Variants in RYR3 observed in about 807,000 individuals in gnomAD.
RYR3 encodes ryanodine receptor 3.
RYR3 carries 207 observed loss-of-function variants against 584.3 expected under a neutral mutation model. That is an observed-to-expected ratio of 0.35 (90% confidence interval 0.32 to 0.40). The LOEUF is 0.40. Among genes scored for constraint, RYR3 ranks in the 10% least tolerant of loss-of-function variants. The probability of loss-of-function intolerance (pLI) is 1.00; values close to 1 mark genes in which losing one functional copy is unlikely to be tolerated. For missense variants in RYR3, 5,616 were observed against 6,089.2 expected (o/e 0.92, Z 2.59); for synonymous variants, 2,416 against 2,248.5 (o/e 1.07, Z -2.11).
chr15:33,500,603 G>A (rs1056652948), intron 2 of RYR3, among the ~76,000 whole-genome samples: 18 of 152,124 alleles, frequency 1.2e-4, no homozygotes, highest in Admixed American at 1.0e-3. Flanking sequence ...AGAGTGATGA[G>A]GAGCTATTTC....
At position 33,412,914 on chromosome 15, in the gene RYR3, A is replaced by T. The variant is rs1388143525; in HGVS notation, c.52-60505A>T. On this transcript the variant is annotated intron_variant, in intron 1 of 103. Coordinates refer to ENST00000634891, the MANE Select transcript of RYR3 (RefSeq NM_001036.6). This position sits in a 1 kb window ranked among gnomAD's most constrained non-coding sequence, Gnocchi z 4.3. Reference sequence around the variant, plus strand: ...GGTTGAGTGTTGACGATGAGAAAAAAATTCTGTTCAAGAAACTAGCCTATG... The same window carrying T: ...GGTTGAGTGTTGACGATGAGAAAAATATTCTGTTCAAGAAACTAGCCTATG... Among the ~76,000 whole-genome samples the T allele has an allele frequency of 6.6e-6, 1 of 150,884 alleles. No individual in the cohort carries two copies. Among genetic ancestry groups the T allele is most frequent in the African/African-American group, 2.5e-5 (1 of 40,176 alleles).
At chr15:33,759,020 C>A (rs867582962) in intron 60 of RYR3, among the ~76,000 whole-genome samples, 1 of 152,190 alleles carries the variant, frequency 6.6e-6, no homozygotes, top group Non-Finnish European at 1.5e-5. Context: ...GAGTGGACCT[C>A]CAGCAAACTC....
chr15:33,698,716 G>C (rs932500307), intron 40 of RYR3, among the ~76,000 whole-genome samples: 1 of 152,126 alleles, frequency 6.6e-6, no homozygotes, highest in East Asian at 1.9e-4. Flanking sequence ...CCAGGGTCAC[G>C]TTCCTCATGG....
chr15:33,736,380 G>A, intron 49 of RYR3, 55 bp downstream of exon 49: 1 of 1,220,508 alleles, frequency 8.2e-7, no homozygotes, highest in South Asian at 1.3e-5. Flanking sequence ...AACTTGCCTT[G>A]TAATATGTGA....
intron 1 of RYR3, among the ~76,000 whole-genome samples, chr15:33,447,407 G>T (rs932193093): frequency 3.9e-5 from 6 of 152,160 alleles, no homozygotes; most frequent in South Asian, 2.1e-4. Flanking sequence ...TAGGTCAGGA[G>T]CATTCTGTTT....
chr15:33,424,005 C>G (rs549197359), intron 1 of RYR3, among the ~76,000 whole-genome samples: 1 of 152,316 alleles, frequency 6.6e-6, no homozygotes, highest in Non-Finnish European at 1.5e-5. Flanking sequence ...TCTTGGTGAA[C>G]TCTCCTTGCC....
chr15:33,701,879 G>A (rs1473143445), intron 42 of RYR3, among the ~76,000 whole-genome samples: 1 of 152,158 alleles, frequency 6.6e-6, no homozygotes, highest in Non-Finnish European at 1.5e-5. Context: ...GGCGTGCTGG[G>A]GAATAGGAGA....
chr15:33,527,307 A>G (rs1237911007), intron 3 of RYR3, among the ~76,000 whole-genome samples: 1 of 152,188 alleles, frequency 6.6e-6, no homozygotes. Flanking sequence ...AAGGCCGGGC[A>G]TGGTAGCTCA....
intron 1 of RYR3, among the ~76,000 whole-genome samples, chr15:33,320,386 C>T (rs61022048): frequency 0.013 from 1,996 of 152,282 alleles, 42 homozygotes; most frequent in African/African-American, 0.046. Context: ...ATCATGAAAT[C>T]TAAAGAAAGC....
intron 3 of RYR3, among the ~76,000 whole-genome samples, chr15:33,507,477 T>A (rs2052579436): frequency 6.6e-6 from 1 of 152,182 alleles, no homozygotes. Context: ...TGGGGAAAAT[T>A]ACCGAGGGAT....
intron 27 of RYR3, among the ~76,000 whole-genome samples, chr15:33,640,278 A>G (rs1001747366): frequency 1.3e-5 from 2 of 152,212 alleles, no homozygotes; most frequent in Non-Finnish European, 2.9e-5. Context: ...TGTGTTTCAG[A>G]AAGCGGCTGT....
intron 1 of RYR3, among the ~76,000 whole-genome samples, chr15:33,433,507 A>C (rs1371061479): frequency 1.3e-5 from 2 of 151,828 alleles, no homozygotes; most frequent in Admixed American, 6.5e-5. Context: ...CAAAGAAATT[A>C]AAGGACAATT....
chr15:33,773,481 C>G (rs1426809376), intron 63 of RYR3, 53 bp from the exon 64 acceptor site: 13 of 1,293,040 alleles, frequency 1.0e-5, no homozygotes, highest in Non-Finnish European at 1.4e-5. Flanking sequence ...CTTCATGGAT[C>G]CTTTCTGTAT....
In RYR3 at chr15:33,630,775, C is replaced by G. The variant is rs1495278; in HGVS notation, c.2784-435C>G. ...AGAATTCTATCTGTTCCATGGAATT[C>G]GAAGAGGCATATAATTGTAATGCAA... On this transcript the variant is annotated intron_variant, in intron 22 of 103. Coordinates refer to ENST00000634891, the MANE Select transcript of RYR3 (RefSeq NM_001036.6). Among the ~76,000 whole-genome samples the G allele has an allele frequency of 5.9e-5, 9 of 152,304 alleles. No individual in the cohort carries two copies. In the East Asian group the frequency reaches 1.5e-3, roughly 26 times the overall value.
intron 1 of RYR3, among the ~76,000 whole-genome samples, chr15:33,423,058 G>C (rs2044350830): frequency 6.6e-6 from 1 of 152,026 alleles, no homozygotes; most frequent in Non-Finnish European, 1.5e-5. Flanking sequence ...AAATTCAGTG[G>C]TAATAAGTAC....
At chr15:33,378,272 C>T (rs1375621930) in intron 1 of RYR3, among the ~76,000 whole-genome samples, 1 of 152,188 alleles carries the variant, frequency 6.6e-6, no homozygotes, top group Non-Finnish European at 1.5e-5. Context: ...TTCCACAGAT[C>T]TTGGGGACTC....
intron 62 of RYR3, among the ~76,000 whole-genome samples, chr15:33,771,089 G>T (rs1297227716): frequency 6.6e-6 from 1 of 151,730 alleles, no homozygotes; most frequent in African/African-American, 2.4e-5. Flanking sequence ...ACTTTAAAAC[G>T]GCTAGTTGTC....
chr15:33,844,894 G>GGAT lies in RYR3; in HGVS notation c.13331_13333dup (p.Asp4444dup), dbSNP rs754262339. 1.2e-6 allele frequency: 2 copies of GGAT among 1,613,870 alleles called. No homozygotes were observed. The highest frequency in any genetic ancestry group is 1.7e-6 in the Non-Finnish European group (2 of 1,179,882). On this transcript the variant is annotated inframe_insertion, in exon 93 of 104. Coordinates refer to ENST00000634891, the MANE Select transcript of RYR3 (RefSeq NM_001036.6). ...AAGAACCTTTAGAAGAAGAGACAGA[G>GGAT]GATGTTGCAAACCTATGGAATTCCT... is the stretch of plus-strand genomic sequence containing the variant.
intron 1 of RYR3, among the ~76,000 whole-genome samples, chr15:33,448,051 T>C (rs182003818): frequency 6.6e-6 from 1 of 152,376 alleles, no homozygotes; most frequent in Admixed American, 6.5e-5. Context: ...TCAACTTACA[T>C]GCCTTTTACA....
Sources: gnomAD v4.1 joint callset for allele counts (sites outside exome capture counted in the v4.1 genomes callset) on GRCh38, gnomAD v4.1.1 for gene constraint, Gnocchi (gnomAD v3.1) non-coding constraint, MANE v1.5 for transcripts, NCBI Gene and HGNC (gene_info 2026-07-23, HGNC 2026-07-21) for gene names.